The following ZNF761 variants were observed in gnomAD, a reference collection of about 807,000 sequenced individuals.
ZNF761 encodes zinc finger protein 761.
ZNF761 carries 43 observed loss-of-function variants against 59.9 expected under a neutral mutation model. The observed-to-expected ratio is 0.72, with a 90% CI of 0.56 to 0.92. The LOEUF is 0.92. Ranked by LOEUF, ZNF761 falls within the 40% of genes least tolerant of loss-of-function variation. ZNF761 has a pLI of 0.00. For synonymous variants in ZNF761, 294 were observed against 304.8 expected, an observed-to-expected ratio of 0.96 and a Z score of 0.37; for missense variants, 850 against 906.1, an observed-to-expected ratio of 0.94 and a Z score of 0.79.
Position 53,441,785 on chromosome 19 carries a change from C to T in ZNF761, c.-184-4442C>T, listed in dbSNP as rs576290323. On this transcript the variant is annotated intron_variant, in intron 1 of 4. Coordinates refer to ENST00000684525, the MANE Select transcript of ZNF761 (RefSeq NM_001289951.2). ...AGTTTTCAAAATTTCTTTTTTAATT[C>T]ATAATCACAGAGAGGAGTCTGCAAT... 2.1e-5 allele frequency: 21 copies of T among 1,000,738 alleles called. No individual in the cohort carries two copies. The South Asian group carries it at 2.8e-4, about 13-fold the overall frequency. 62.0% of individuals were successfully genotyped at this position (1,000,738 alleles called of 1,614,324 possible).
chr19:53,450,233 T>G, intron 4 of ZNF761: 1 of 172,368 alleles, frequency 5.8e-6, no homozygotes, highest in Non-Finnish European at 1.2e-5. Context: ...AACCTGGGAA[T>G]CGGAGGTTGC....
Position 53,455,065 on chromosome 19 carries a change from C to T in ZNF761, c.558C>T (p.Thr186=), listed in dbSNP as rs367592603. The T allele has an allele frequency of 3.7e-6, 6 of 1,613,990 alleles. No homozygotes were observed. In the African/African-American group the frequency reaches 8.0e-5, roughly 22 times the overall value. The change falls in exon 5 of 5, where the codon ACC becomes ACT. Residue 186 remains threonine, a synonymous_variant. Coordinates refer to ENST00000684525, the MANE Select transcript of ZNF761 (RefSeq NM_001289951.2). The part of the protein sequence containing the change: ...TAQRISCRPK[T]HISNNHGNNF... ...AAAGAATTTCTTGTAGGCCCAAAACCCATATATCTAATAACCATGGGAATA... is the reference window on the plus strand; with the variant it reads ...AAAGAATTTCTTGTAGGCCCAAAACTCATATATCTAATAACCATGGGAATA...
At chr19:53,432,533 C>T (rs2085982607) in intron 1 of ZNF761, among the ~76,000 whole-genome samples, 1 of 152,108 alleles carries the variant, frequency 6.6e-6, no homozygotes, top group Non-Finnish European at 1.5e-5. Flanking sequence ...CCCCTGAGCC[C>T]GCGTTGGGGA....
Position 53,456,341 on chromosome 19 carries a change from G to A in ZNF761, c.1834G>A (p.Gly612Ser). The change falls in exon 5 of 5, where the codon GGC (glycine) becomes AGC (serine). Residue 612 changes from glycine (G) to serine (S), a missense_variant. Coordinates refer to ENST00000684525, the MANE Select transcript of ZNF761 (RefSeq NM_001289951.2). ...EENPYKCNEC[G>S]KTFSRTSSLT... The stretch of plus-strand genomic sequence containing the variant: ...GAATCCTTACAAGTGTAATGAGTGT[G>A]GCAAGACCTTCAGTCGGACGTCATC... 2 of 1,610,986 alleles carry A rather than the reference G, an allele frequency of 1.2e-6. No individual in the cohort carries two copies. Among genetic ancestry groups the A allele is most frequent in the Non-Finnish European group, 1.7e-6 (2 of 1,177,892 alleles).
At position 53,456,259 on chromosome 19, in the gene ZNF761, C is replaced by T. The variant is rs754992068; in HGVS notation, c.1752C>T (p.Asp584=). Residue 584 remains aspartate (D), a synonymous_variant, in exon 5 of 5, where the codon GAC becomes GAT. Transcript: ENST00000684525. ...GENPYKCEDS[D]KAYSFKSNLE... ...ACCCTTACAAATGTGAAGATAGTGA[C>T]AAAGCTTACAGTTTCAAATCAAACC... 2.5e-6 allele frequency: 4 copies of T among 1,613,888 alleles called. No homozygotes were observed. Among genetic ancestry groups the T allele is most frequent in the Admixed American group, 1.7e-5 (1 of 59,992 alleles).
intron 4 of ZNF761, among the ~76,000 whole-genome samples, chr19:53,453,361 T>G (rs865853564): frequency 5.2e-4 from 79 of 152,334 alleles, no homozygotes; most frequent in African/African-American, 1.8e-3. Flanking sequence ...GGTAGTGATC[T>G]TAACATGTAT....
At chr19:53,442,067 C>T (rs112282734) in intron 1 of ZNF761, 114,005 of 893,192 alleles carry the variant, frequency 0.13, 8,021 homozygotes, top group East Asian at 0.23. Context: ...TGCTCAGGAG[C>T]GCCTGGCCAC....
chr19:53,433,175 C>T (rs2085994385), intron 1 of ZNF761, among the ~76,000 whole-genome samples: 1 of 152,042 alleles, frequency 6.6e-6, no homozygotes, highest in Non-Finnish European at 1.5e-5. Context: ...AGATACGCAC[C>T]GGCTCAGTGG....
intron 1 of ZNF761, among the ~76,000 whole-genome samples, chr19:53,432,708 C>CAG (rs535975466): frequency 0.018 from 2,697 of 152,072 alleles, 43 homozygotes; most frequent in Middle Eastern, 0.027. Flanking sequence ...AAACCTGAGA[C>CAG]AGAAAAGAAG....
chr19:53,435,456 C>T lies in ZNF761; in HGVS notation c.-185+3428C>T, dbSNP rs144865980. ...AAAGGCTGTGATTACAGGCATGCGCCACCATGCCTGTTTAATTTTGTATTT... is the reference window on the plus strand; with the variant it reads ...AAAGGCTGTGATTACAGGCATGCGCTACCATGCCTGTTTAATTTTGTATTT... On this transcript the variant is annotated intron_variant, in intron 1 of 4. Transcript: ENST00000684525. Among the ~76,000 whole-genome samples the T allele has an allele frequency of 9.0e-3, 1,367 of 151,884 alleles. 10 individuals carry two copies. Among genetic ancestry groups the T allele is most frequent in the Non-Finnish European group, 0.015 (988 of 67,956 alleles).
At chr19:53,446,907 G>T (rs34772622) in intron 2 of ZNF761, among the ~76,000 whole-genome samples, 8,897 of 152,192 alleles carry the variant, frequency 0.058, 373 homozygotes, top group African/African-American at 0.12. Flanking sequence ...CAGGCATGAG[G>T]CACCAGACCC....
chr19:53,442,183 A>T, intron 1 of ZNF761: 1 of 1,113,882 alleles, frequency 9.0e-7, no homozygotes, highest in South Asian at 1.2e-5. Flanking sequence ...ATGGAACTCC[A>T]GGAAATCCAA....
chr19:53,438,394 T>C (rs2086064730), intron 1 of ZNF761, among the ~76,000 whole-genome samples: 2 of 152,252 alleles, frequency 1.3e-5, no homozygotes, highest in South Asian at 4.1e-4. Flanking sequence ...GGGATAAATA[T>C]GCCACTGGGT....
In ZNF761 at chr19:53,458,102, G is replaced by A. The variant is rs2086287389; in HGVS notation, c.*1354G>A. 6.6e-6 allele frequency: 1 copy of A among 152,348 alleles called. No homozygotes were observed. The highest frequency in any genetic ancestry group is 2.4e-5 in the African/African-American group (1 of 41,456). The allele number at this position is 152,348 out of a possible 1,614,324, so 9.4% of individuals were successfully genotyped here. ...TCTTTTAAAATTGTTTATTGTTAAAGTATGGAAATTCAACTAATTTTTGGT... is the reference window on the plus strand; with the variant it reads ...TCTTTTAAAATTGTTTATTGTTAAAATATGGAAATTCAACTAATTTTTGGT... On this transcript the variant is annotated 3_prime_UTR_variant, in exon 5 of 5. Coordinates refer to ENST00000684525, the MANE Select transcript of ZNF761 (RefSeq NM_001289951.2).
intron 1 of ZNF761, chr19:53,442,234 A>T (rs1198395979): frequency 8.3e-7 from 1 of 1,198,702 alleles, no homozygotes; most frequent in Non-Finnish European, 1.2e-6. Context: ...GCAGATGGGA[A>T]GTATGAAGAG....
In ZNF761 at chr19:53,456,546, A is replaced by G. The variant is rs1344485879; in HGVS notation, c.2039A>G (p.His680Arg). Residue 680 changes from histidine (H) to arginine (R), a missense_variant, in exon 5 of 5, where the codon CAT becomes CGT. Transcript: ENST00000684525. ...TFSRKSYFIC[H>R]HRLHTGEKPY... ...AGTCGGAAGTCATATTTTATATGCCATCATAGACTTCATACTGGAGAGAAA... is the reference window on the plus strand; with the variant it reads ...AGTCGGAAGTCATATTTTATATGCCGTCATAGACTTCATACTGGAGAGAAA... The G allele has an allele frequency of 5.6e-6, 9 of 1,612,154 alleles. No homozygotes were observed. Among genetic ancestry groups the G allele is most frequent in the South Asian group, 1.1e-5 (1 of 90,894 alleles).
chr19:53,445,628 AG>A (rs1228556156), intron 1 of ZNF761, among the ~76,000 whole-genome samples: 1 of 152,150 alleles, frequency 6.6e-6, no homozygotes, highest in Admixed American at 6.5e-5. Context: ...CTTCTGGCAG[AG>A]GGGAGTGCCC....
chr19:53,449,395 G>C (rs1284508628), intron 3 of ZNF761, 117 bp from the exon 4 acceptor site: 2 of 1,606,646 alleles, frequency 1.2e-6, no homozygotes, highest in Non-Finnish European at 1.7e-6. Context: ...CCCTTACTCA[G>C]ATTTGTTAGA....
At chr19:53,452,997 T>G in intron 4 of ZNF761, among the ~76,000 whole-genome samples, 1 of 152,252 alleles carries the variant, frequency 6.6e-6, no homozygotes, top group South Asian at 2.1e-4. Flanking sequence ...TTTTTCCCAG[T>G]GCACATTCTG....
Sources: gnomAD v4.1 joint callset for allele counts (sites outside exome capture counted in the v4.1 genomes callset) on GRCh38, gnomAD v4.1.1 for gene constraint, MANE v1.5 for transcripts, NCBI Gene and HGNC (gene_info 2026-07-23, HGNC 2026-07-21) for gene names.